Variants in INTS2 observed in about 807,000 individuals in gnomAD.
INTS2 encodes the protein integrator complex subunit 2, also known as KIAA1287.
Under a neutral mutation model 139.6 loss-of-function variants are expected in INTS2, and 57 were observed. The ratio of observed to expected loss-of-function variants is 0.41; its 90% CI spans 0.33 to 0.51. INTS2 has a LOEUF of 0.51. Among genes scored for constraint, INTS2 ranks in the 20% least tolerant of loss-of-function variants. The probability of loss-of-function intolerance (pLI) is 0.28; values close to 1 mark genes in which losing one functional copy is unlikely to be tolerated. For synonymous variants in INTS2, 473 were observed against 493.4 expected (o/e 0.96, Z 0.55); for missense variants, 1,196 against 1,436.7 (o/e 0.83, Z 2.71).
intron 16 of INTS2, among the ~76,000 whole-genome samples, chr17:61,881,591 C>T (rs1178422103): frequency 1.3e-5 from 2 of 151,886 alleles, no homozygotes; most frequent in African/African-American, 4.8e-5. Context: ...GCAAAACTCC[C>T]GTTCAAAAAT....
At chr17:61,923,064 G>A (rs555152144) in intron 3 of INTS2, among the ~76,000 whole-genome samples, 5 of 151,836 alleles carry the variant, frequency 3.3e-5, no homozygotes, top group African/African-American at 9.7e-5. Context: ...CAACAAGAGC[G>A]AAACTCTGTC....
chr17:61,922,991 C>A lies in INTS2; in HGVS notation c.433-1164G>T, dbSNP rs948385358. Among the ~76,000 whole-genome samples, 8 of 150,440 alleles carry A rather than the reference C, an allele frequency of 5.3e-5. No homozygotes were observed. In the Admixed American group the frequency reaches 5.3e-4, roughly 10 times the overall value. ...ACTCAGGAGGCTGAGGCAGGAGAAT[C>A]GCTTTAACCCAGGAGGCAAAGGTTG... On this transcript the variant is annotated intron_variant, in intron 3 of 24. Coordinates refer to ENST00000251334, the MANE Select transcript of INTS2 (RefSeq NM_001351695.2).
chr17:61,887,923 G>A (rs1450815348), intron 15 of INTS2, among the ~76,000 whole-genome samples: 2 of 151,982 alleles, frequency 1.3e-5, no homozygotes, highest in Non-Finnish European at 1.5e-5. Context: ...AATGTGGTAC[G>A]CACCTGTAAT....
intron 15 of INTS2, among the ~76,000 whole-genome samples, chr17:61,889,330 G>A (rs1004319328): frequency 2.0e-5 from 3 of 151,970 alleles, no homozygotes; most frequent in African/African-American, 7.2e-5. Context: ...CAGGTGATCC[G>A]CCCACCTCGG....
chr17:61,880,611 G>A (rs557162334), intron 17 of INTS2, among the ~76,000 whole-genome samples: 1 of 152,054 alleles, frequency 6.6e-6, no homozygotes, highest in African/African-American at 2.4e-5. Context: ...AATCAGCCAG[G>A]CCTGGTGGCT....
At position 61,893,948 on chromosome 17, in the gene INTS2, T is replaced by C. The variant is rs2079321831; in HGVS notation, c.1564-49A>G. On this transcript the variant is annotated intron_variant, in intron 12 of 24. Coordinates refer to ENST00000251334, the MANE Select transcript of INTS2 (RefSeq NM_001351695.2). The surrounding 1 kb of genome is among the most constrained non-coding windows in gnomAD (Gnocchi z 5.4). Reference sequence around the variant, plus strand: ...TAATATAATAGAACTAAATATAAAATTATTTTGAAAGAGAGATTAGTAAGT... The same window carrying C: ...TAATATAATAGAACTAAATATAAAACTATTTTGAAAGAGAGATTAGTAAGT... The C allele has an allele frequency of 4.5e-6, 6 of 1,341,768 alleles. No homozygotes were observed. Among genetic ancestry groups the C allele is most frequent in the Non-Finnish European group, 6.1e-6 (6 of 989,226 alleles). 83.1% of individuals were successfully genotyped at this position (1,341,768 alleles called of 1,614,324 possible).
At position 61,897,792 on chromosome 17, in the gene INTS2, T is replaced by A. The variant is rs888141880; in HGVS notation, c.1308-53A>T. The A allele has an allele frequency of 7.6e-6, 9 of 1,186,472 alleles. No individual in the cohort carries two copies. The African/African-American group carries it at 1.4e-4, about 18-fold the overall frequency. The allele number at this position is 1,186,472 out of a possible 1,614,324, so 73.5% of individuals were successfully genotyped here. On this transcript the variant is annotated intron_variant, in intron 9 of 24. Coordinates refer to ENST00000251334, the MANE Select transcript of INTS2 (RefSeq NM_001351695.2). This position sits in a 1 kb window ranked among gnomAD's most constrained non-coding sequence, Gnocchi z 4.4. ...GGTTTAAATTAGATATACTAGCATA[T>A]GAATAAAAAGCATTCTGAAGTTATT...
chr17:61,923,686 G>T (rs59080342), intron 3 of INTS2, among the ~76,000 whole-genome samples: 25,065 of 151,742 alleles, frequency 0.17, 2,510 homozygotes, highest in East Asian at 0.53. Context: ...TGGTGGTGGT[G>T]GTTGTTGTTT....
chr17:61,906,848 A>T (rs1175175903), intron 8 of INTS2, among the ~76,000 whole-genome samples: 1 of 149,248 alleles, frequency 6.7e-6, no homozygotes, highest in Non-Finnish European at 1.5e-5. Context: ...AAAAAAAAAA[A>T]ATTAGCCGGG....
chr17:61,901,530 G>C (rs1208414354), intron 9 of INTS2, among the ~76,000 whole-genome samples: 2 of 136,960 alleles, frequency 1.5e-5, no homozygotes, highest in Non-Finnish European at 3.1e-5. Flanking sequence ...GACTGAATAG[G>C]AATTGAAGAT....
chr17:61,880,907 A>T, intron 17 of INTS2, 100 bp downstream of exon 17: 1 of 954,032 alleles, frequency 1.0e-6, no homozygotes, highest in Non-Finnish European at 1.6e-6. Flanking sequence ...AAACATTGTT[A>T]TATCCATGGG....
At chr17:61,907,935 T>C (rs749458672) in intron 7 of INTS2, among the ~76,000 whole-genome samples, 3 of 152,208 alleles carry the variant, frequency 2.0e-5, no homozygotes, top group Non-Finnish European at 4.4e-5. Context: ...CAAAGTGATA[T>C]GTGGTATAGG....
rs1488032509 is a variant in INTS2 at position 61,882,416 on chromosome 17, A to G, written c.2090-1245T>C. 2.0e-5 allele frequency among the ~76,000 whole-genome samples: 3 copies of G among 152,220 alleles called. No homozygotes were observed. The highest frequency in any genetic ancestry group is 3.8e-4 in the East Asian group (2 of 5,202). Reference sequence around the variant, plus strand: ...TACCTATACCACAGTTTGACTATTCATGACTATTATGTATAATGTTAATAA... The same window carrying G: ...TACCTATACCACAGTTTGACTATTCGTGACTATTATGTATAATGTTAATAA... On this transcript the variant is annotated intron_variant, in intron 16 of 24. Coordinates refer to ENST00000251334, the MANE Select transcript of INTS2 (RefSeq NM_001351695.2). The surrounding 1 kb of genome is among the most constrained non-coding windows in gnomAD (Gnocchi z 4.7).
intron 5 of INTS2, among the ~76,000 whole-genome samples, chr17:61,914,702 CAAAA>C (rs58141533): frequency 2.0e-5 from 1 of 49,356 alleles, no homozygotes; most frequent in African/African-American, 6.8e-5. Flanking sequence ...GACTCCGTCT[CAAAA>C]AAAAAAAAAA....
Position 61,870,122 on chromosome 17 carries a change from T to A in INTS2, c.2779-134A>T, listed in dbSNP as rs2079077524. 1 of 858,230 alleles carries A rather than the reference T, an allele frequency of 1.2e-6. No individual in the cohort carries two copies. The highest frequency in any genetic ancestry group is 1.7e-6 in the Non-Finnish European group (1 of 573,040). The allele number at this position is 858,230 out of a possible 1,614,324, so 53.2% of individuals were successfully genotyped here. ...ACACACATACACAAAGAGGTACTTC[T>A]AAGAGCAGAACTGAGCAATCTGTAG... On this transcript the variant is annotated intron_variant, in intron 20 of 24. Coordinates refer to ENST00000251334, the MANE Select transcript of INTS2 (RefSeq NM_001351695.2). This position sits in a 1 kb window ranked among gnomAD's most constrained non-coding sequence, Gnocchi z 4.4.
rs1326543595 is a variant in INTS2 at position 61,868,245 on chromosome 17, A to G, written c.3245-236T>C. On this transcript the variant is annotated intron_variant, in intron 23 of 24. Transcript: ENST00000251334. The surrounding 1 kb of genome is among the most constrained non-coding windows in gnomAD (Gnocchi z 4.7). ...ATGCATTATTTCATTGAATTCCTAC[A>G]ATCTTATGAATGACCAAAGTACTAT... Among the ~76,000 whole-genome samples the G allele has an allele frequency of 6.6e-6, 1 of 152,144 alleles. No homozygotes were observed. Among genetic ancestry groups the G allele is most frequent in the Non-Finnish European group, 1.5e-5 (1 of 67,996 alleles).
chr17:61,922,462 C>T (rs779025465), intron 3 of INTS2, among the ~76,000 whole-genome samples: 62 of 102,118 alleles, frequency 6.1e-4, no homozygotes, highest in Middle Eastern at 6.0e-3. Context: ...AATGAGACTC[C>T]GTCTCAAAAA....
rs946297581 is a variant in INTS2 at position 61,893,991 on chromosome 17, T to G, written c.1564-92A>C. 1.4e-6 allele frequency: 1 copy of G among 725,550 alleles called. No homozygotes were observed. The highest frequency in any genetic ancestry group is 2.2e-6 in the Non-Finnish European group (1 of 464,534). 44.9% of individuals were successfully genotyped at this position (725,550 alleles called of 1,614,324 possible). On this transcript the variant is annotated intron_variant, in intron 12 of 24. Transcript: ENST00000251334. This position sits in a 1 kb window ranked among gnomAD's most constrained non-coding sequence, Gnocchi z 5.4. ...TAGTAAGTAGACTGTCAACACCTAA[T>G]ACAAGTGTGGTCCCTAGAAATGAAT...
intron 9 of INTS2, among the ~76,000 whole-genome samples, chr17:61,901,577 C>CTTTTTTTTTTTTTT (rs55751869): frequency 2.0e-5 from 1 of 49,448 alleles, no homozygotes; most frequent in Non-Finnish European, 3.4e-5. Context: ...AGAATGATTT[C>CTTTTTTTTTTTTTT]TTTTTTTTTT....
Sources: gnomAD v4.1 joint callset for allele counts (sites outside exome capture counted in the v4.1 genomes callset) on GRCh38, gnomAD v4.1.1 for gene constraint, Gnocchi (gnomAD v3.1) non-coding constraint, MANE v1.5 for transcripts, NCBI Gene and HGNC (gene_info 2026-07-23, HGNC 2026-07-21) for gene names.